FAM47E: variants seen among roughly 807,000 people sequenced by gnomAD.
FAM47E encodes the protein protein FAM47E.
FAM47E carries 32 observed loss-of-function variants against 41.6 expected under a neutral mutation model. The observed-to-expected ratio is 0.77, with a 90% confidence interval of 0.58 to 1.03. The LOEUF (loss-of-function observed/expected upper bound fraction) is 1.03. Among genes scored for constraint, FAM47E ranks in the 50% least tolerant of loss-of-function variants. The pLI is 0.00. For synonymous variants in FAM47E, 184 were observed against 188.7 expected, an observed-to-expected ratio of 0.98 and a Z score of 0.20; for missense variants, 424 against 485.4, an observed-to-expected ratio of 0.87 and a Z score of 1.19.
intron 2 of FAM47E, among the ~76,000 whole-genome samples, chr4:76,242,523 A>G (rs1263911608): frequency 1.3e-5 from 2 of 152,246 alleles, no homozygotes; most frequent in Middle Eastern, 3.2e-3. Context: ...CAATGTAAAA[A>G]TGACCTAATA....
In FAM47E at chr4:76,239,479, T is replaced by A. The variant is rs569698573; in HGVS notation, c.81+21791T>A. 8.1e-4 allele frequency among the ~76,000 whole-genome samples: 124 copies of A among 152,316 alleles called. 2 individuals carry two copies. Among genetic ancestry groups the A allele is most frequent in the East Asian group, 2.3e-3 (12 of 5,190 alleles). On this transcript the variant is annotated intron_variant, in intron 2 of 7. Transcript: ENST00000510197. ...ATTTTGATCTGTATTTCCCTAATTA[T>A]TCATGATGTTGAGCATCATTTCATG... is the stretch of plus-strand genomic sequence containing the variant.
intron 2 of FAM47E, among the ~76,000 whole-genome samples, chr4:76,232,976 TAATTCTTGCACCAGTTGTTTGAACC>T (rs1477292226): frequency 6.6e-6 from 1 of 152,220 alleles, no homozygotes; most frequent in African/African-American, 2.4e-5. Context: ...TTAATTTCCA[TAATTCTTGCACCAGTTGTTTGAACC>T]TTCAGCTTTT....
At chr4:76,249,175 C>T (rs1481992054), upstream of FAM47E, among the ~76,000 whole-genome samples, 2 of 152,032 alleles carry the variant, frequency 1.3e-5, no homozygotes, top group East Asian at 3.9e-4. Flanking sequence ...TTGCAGTGAG[C>T]TGAGATCACA....
chr4:76,224,514 A>T (rs1733362150), intron 2 of FAM47E, among the ~76,000 whole-genome samples: 1 of 152,198 alleles, frequency 6.6e-6, no homozygotes, highest in Admixed American at 6.5e-5. Context: ...GAAGATGTTC[A>T]TACATCTTAA....
chr4:76,255,612 C>T (rs932323805), intron 1 of FAM47E, among the ~76,000 whole-genome samples: 3 of 152,134 alleles, frequency 2.0e-5, no homozygotes, highest in African/African-American at 7.2e-5. Context: ...AGGTTCTTCC[C>T]GCTCAACTGC....
At chr4:76,216,875 T>G (rs930336262) in intron 1 of FAM47E, among the ~76,000 whole-genome samples, 1 of 152,200 alleles carries the variant, frequency 6.6e-6, no homozygotes, top group Non-Finnish European at 1.5e-5. Context: ...AAGAAAATAA[T>G]GTATGTTCCC....
intron 6 of FAM47E, chr4:76,278,686 G>A (rs1359956943): frequency 6.1e-6 from 1 of 164,126 alleles, no homozygotes; most frequent in Admixed American, 6.4e-5. Flanking sequence ...TGAGTTGCAG[G>A]ATCTGTCTGA....
chr4:76,248,165 C>T (rs1213998848), upstream of FAM47E, among the ~76,000 whole-genome samples: 2 of 152,024 alleles, frequency 1.3e-5, no homozygotes, highest in Non-Finnish European at 2.9e-5. Context: ...CCGCCCATCT[C>T]AGCCTCCCAA....
intron 2 of FAM47E, among the ~76,000 whole-genome samples, chr4:76,259,797 T>C (rs865939851): frequency 6.6e-6 from 1 of 152,180 alleles, no homozygotes; most frequent in Non-Finnish European, 1.5e-5. Context: ...AATTTCATGA[T>C]CCTACACCCA....
chr4:76,248,123 C>G (rs932933955), upstream of FAM47E, among the ~76,000 whole-genome samples: 1 of 151,704 alleles, frequency 6.6e-6, no homozygotes, highest in Non-Finnish European at 1.5e-5. Context: ...ACCATGTTAG[C>G]CAGGATGGTC....
chr4:76,251,938 C>T lies in FAM47E; in HGVS notation c.74+118C>T, dbSNP rs188897777. 71 of 1,256,952 alleles carry T rather than the reference C, an allele frequency of 5.6e-5. 2 individuals are homozygous for T. In the East Asian group the frequency reaches 1.8e-3, roughly 31 times the overall value. The allele number at this position is 1,256,952 out of a possible 1,614,324, so 77.9% of individuals were successfully genotyped here. ...AGAGGTCCAGCCTGCCTTCCCTCCT[C>T]AATGCTTCCTGTACGTACAACATAA... On this transcript the variant is annotated intron_variant, in intron 1 of 7. Transcript: ENST00000424749.
intron 2 of FAM47E, among the ~76,000 whole-genome samples, chr4:76,224,066 T>C (rs562942249): frequency 5.9e-5 from 9 of 152,292 alleles, no homozygotes; most frequent in Non-Finnish European, 1.2e-4. Context: ...TATTATTGAA[T>C]AGGTATTAAA....
intron 6 of FAM47E, 87 bp downstream of exon 6, chr4:76,278,311 C>T (rs1285664463): frequency 2.2e-5 from 29 of 1,337,344 alleles, no homozygotes; most frequent in Admixed American, 1.8e-4. Flanking sequence ...GACTCTGCGG[C>T]GTAATACAAA....
At chr4:76,229,418 G>A (rs186913198) in intron 2 of FAM47E, among the ~76,000 whole-genome samples, 28 of 152,232 alleles carry the variant, frequency 1.8e-4, no homozygotes, top group Admixed American at 3.3e-4. Context: ...ATAGAACCTT[G>A]TTTTGTCATA....
chr4:76,229,878 A>C (rs1733463754), intron 2 of FAM47E, among the ~76,000 whole-genome samples: 1 of 152,210 alleles, frequency 6.6e-6, no homozygotes, highest in South Asian at 2.1e-4. Flanking sequence ...ATGATGTTGC[A>C]GGCAGTGAAA....
chr4:76,280,058 A>G (rs1560754324), intron 6 of FAM47E: 1 of 418,592 alleles, frequency 2.4e-6, no homozygotes, highest in Non-Finnish European at 4.3e-6. Context: ...GGATAAGGAA[A>G]AGGCTAGGGG....
chr4:76,241,904 G>C (rs1026628498), intron 2 of FAM47E, among the ~76,000 whole-genome samples: 1 of 152,134 alleles, frequency 6.6e-6, no homozygotes, highest in Non-Finnish European at 1.5e-5. Context: ...CACTCTTCAC[G>C]TTGGTTCTCG....
intron 2 of FAM47E, among the ~76,000 whole-genome samples, chr4:76,245,517 C>T (rs1167090416): frequency 6.6e-6 from 1 of 152,096 alleles, no homozygotes; most frequent in Non-Finnish European, 1.5e-5. Flanking sequence ...TGACTGTTCC[C>T]TTCCTCCATC....
chr4:76,229,165 G>C (rs1169421473), intron 2 of FAM47E, among the ~76,000 whole-genome samples: 1 of 152,184 alleles, frequency 6.6e-6, no homozygotes, highest in Non-Finnish European at 1.5e-5. Flanking sequence ...ATTTTTCTAA[G>C]TGTGTCTTTG....
Sources: allele counts gnomAD v4.1 joint callset (sites outside exome capture counted in the v4.1 genomes callset), GRCh38; gene constraint gnomAD v4.1.1; transcripts MANE v1.5; gene names NCBI Gene and HGNC (gene_info 2026-07-23, HGNC 2026-07-21).